Variants in BCKDHB observed in about 807,000 individuals in gnomAD.
The protein encoded by BCKDHB is branched chain keto acid dehydrogenase E1 subunit beta, also known as 2-oxoisovalerate dehydrogenase subunit beta, mitochondrial.
A neutral mutation model predicts 48.5 loss-of-function variants in BCKDHB; 41 were observed. The observed-to-expected ratio is 0.85, with a 90% CI of 0.66 to 1.10. The LOEUF is 1.10. BCKDHB is among the 50% of genes least tolerant of loss of function. BCKDHB has a pLI of 0.00. For missense variants in BCKDHB, 496 were observed against 494.2 expected, an observed-to-expected ratio of 1.00 and a Z score of -0.03; for synonymous variants, 201 against 174.8, an observed-to-expected ratio of 1.15 and a Z score of -1.18.
chr6:80,234,024 G>A (rs1441549728), intron 8 of BCKDHB, among the ~76,000 whole-genome samples: 2 of 152,082 alleles, frequency 1.3e-5, no homozygotes, highest in East Asian at 1.9e-4. Flanking sequence ...CTCATAAGGA[G>A]CGTGCACCCT....
chr6:80,318,422 C>T (rs1010232806), intron 9 of BCKDHB, among the ~76,000 whole-genome samples: 1 of 152,106 alleles, frequency 6.6e-6, no homozygotes, highest in African/African-American at 2.4e-5. Flanking sequence ...CGTGGTGGCT[C>T]ATGTCTGTAA....
chr6:80,146,501 G>A (rs1025293099), intron 3 of BCKDHB, among the ~76,000 whole-genome samples: 2 of 152,120 alleles, frequency 1.3e-5, no homozygotes, highest in Admixed American at 6.6e-5. Context: ...AAAATATCAA[G>A]GGATCTTCTT....
the BCKDHB span, among the ~76,000 whole-genome samples, chr6:80,458,943 A>T: frequency 6.6e-6 from 1 of 152,194 alleles, no homozygotes; most frequent in East Asian, 1.9e-4. Flanking sequence ...CACACTTGTC[A>T]GGATGACTAT....
At chr6:80,435,029 A>G in the BCKDHB span, among the ~76,000 whole-genome samples, 1 of 152,160 alleles carries the variant, frequency 6.6e-6, no homozygotes, top group South Asian at 2.1e-4. Context: ...CTAATCTCGA[A>G]CTTAGAAAGA....
the BCKDHB span, among the ~76,000 whole-genome samples, chr6:80,381,554 C>G: frequency 6.6e-6 from 1 of 152,064 alleles, no homozygotes; most frequent in Non-Finnish European, 1.5e-5. Flanking sequence ...AGCAGGTTTT[C>G]TAACAAAAAT....
At chr6:80,463,749 A>G in the BCKDHB span, among the ~76,000 whole-genome samples, 1 of 152,196 alleles carries the variant, frequency 6.6e-6, no homozygotes, top group Non-Finnish European at 1.5e-5. Flanking sequence ...ATGCCATAAC[A>G]TTGAACACAT....
chr6:80,149,994 T>C (rs1053016835), intron 3 of BCKDHB, among the ~76,000 whole-genome samples: 1 of 142,770 alleles, frequency 7.0e-6, no homozygotes, highest in African/African-American at 2.6e-5. Flanking sequence ...TAAAAAAAAA[T>C]AGTAAAGTCC....
At chr6:80,281,027 C>CGTGTGTGT (rs70981415) in intron 9 of BCKDHB, among the ~76,000 whole-genome samples, 4 of 147,316 alleles carry the variant, frequency 2.7e-5, no homozygotes, top group Non-Finnish European at 6.0e-5. Flanking sequence ...CAGGTGTATG[C>CGTGTGTGT]GTGTGTGTGT....
chr6:80,456,613 T>C, the BCKDHB span, among the ~76,000 whole-genome samples: 1 of 152,352 alleles, frequency 6.6e-6, no homozygotes, highest in East Asian at 1.9e-4. Flanking sequence ...AGTATGAAGA[T>C]AATATTTAGC....
At chr6:80,412,241 T>A in the BCKDHB span, among the ~76,000 whole-genome samples, 1 of 151,726 alleles carries the variant, frequency 6.6e-6, no homozygotes. Context: ...CCTCTTGGGT[T>A]CAAGTGATTC....
intron 1 of BCKDHB, among the ~76,000 whole-genome samples, chr6:80,107,828 C>T (rs1769206713): frequency 6.6e-6 from 1 of 152,082 alleles, no homozygotes; most frequent in African/African-American, 2.4e-5. Flanking sequence ...TTTACCATTT[C>T]TGCAAGTTTC....
At chr6:80,447,522 A>G in the BCKDHB span, among the ~76,000 whole-genome samples, 1 of 151,310 alleles carries the variant, frequency 6.6e-6, no homozygotes, top group African/African-American at 2.4e-5. Flanking sequence ...GTAGATATAT[A>G]CACATTATAG....
the BCKDHB span, among the ~76,000 whole-genome samples, chr6:80,359,418 C>G: frequency 6.6e-6 from 1 of 152,184 alleles, no homozygotes; most frequent in East Asian, 1.9e-4. Context: ...TGAACTGGGA[C>G]TTTCTTCCTT....
At chr6:80,374,645 A>T in the BCKDHB span, 1 of 482,770 alleles carries the variant, frequency 2.1e-6, no homozygotes, top group African/African-American at 2.0e-5. Flanking sequence ...GGCCATTTAC[A>T]TTCAATGTTA....
intron 6 of BCKDHB, among the ~76,000 whole-genome samples, chr6:80,191,109 G>T (rs1286446787): frequency 2.6e-5 from 4 of 152,094 alleles, no homozygotes; most frequent in Non-Finnish European, 5.9e-5. Flanking sequence ...TGTTACTCTA[G>T]CCCTTCCAAA....
the BCKDHB span, among the ~76,000 whole-genome samples, chr6:80,407,055 G>T: frequency 2.0e-5 from 3 of 152,130 alleles, no homozygotes; most frequent in Non-Finnish European, 4.4e-5. Context: ...AACGGATCTA[G>T]TTTTAGCTTT....
the BCKDHB span, chr6:80,443,288 T>C: frequency 6.6e-6 from 1 of 152,144 alleles, no homozygotes; most frequent in African/African-American, 2.4e-5. Context: ...TGGCTAAGTA[T>C]TGATCAATAA....
At chr6:80,106,629 G>T, upstream of BCKDHB, 1 of 1,516,168 alleles carries the variant, frequency 6.6e-7, no homozygotes, top group Admixed American at 2.1e-5. Context: ...GCCTCCTCGG[G>T]TGCTCCGCCC....
At chr6:80,302,160 C>G (rs550662933) in intron 9 of BCKDHB, among the ~76,000 whole-genome samples, 33 of 151,972 alleles carry the variant, frequency 2.2e-4, no homozygotes, top group Non-Finnish European at 3.8e-4. Context: ...AGCAATCAGG[C>G]AAGAGAAAGA....
Sources: gnomAD v4.1 joint callset for allele counts (sites outside exome capture counted in the v4.1 genomes callset) on GRCh38, gnomAD v4.1.1 for gene constraint, MANE v1.5 for transcripts, NCBI Gene and HGNC (gene_info 2026-07-23, HGNC 2026-07-21) for gene names.